MKLN1: variants seen among roughly 807,000 people sequenced by gnomAD.
MKLN1 encodes muskelin.
Under a neutral mutation model 99.0 loss-of-function variants are expected in MKLN1, and 18 were observed. The ratio of observed to expected loss-of-function variants is 0.18; its 90% CI spans 0.13 to 0.27. MKLN1 has a LOEUF of 0.27. Among genes scored for constraint, MKLN1 ranks in the 10% least tolerant of loss-of-function variants. The pLI is 1.00. For synonymous variants in MKLN1, 288 were observed against 293.2 expected, an observed-to-expected ratio of 0.98 and a Z score of 0.18; for missense variants, 621 against 875.9, an observed-to-expected ratio of 0.71 and a Z score of 3.67.
chr7:131,387,123 T>G lies in MKLN1; in HGVS notation c.172T>G (p.Leu58Val). ...SSESNYPPQY[L>V]ILKLERPAIV... ...ATTTGGTCGTTTCTTTTTTTAGTACTTGATTCTAAAGCTCGAAAGGCCTGC... is the reference window on the plus strand; with the variant it reads ...ATTTGGTCGTTTCTTTTTTTAGTACGTGATTCTAAAGCTCGAAAGGCCTGC... The change falls in exon 3 of 18, where the codon TTG (leucine) becomes GTG (valine). Residue 58 changes from leucine (L) to valine (V), a missense_variant. Transcript: ENST00000352689. 1 of 1,589,332 alleles carries G rather than the reference T, an allele frequency of 6.3e-7. No individual in the cohort carries two copies. Among genetic ancestry groups the G allele is most frequent in the Non-Finnish European group, 8.5e-7 (1 of 1,172,406 alleles).
At chr7:131,468,125 C>A (rs780016971) in intron 15 of MKLN1, among the ~76,000 whole-genome samples, 6 of 152,110 alleles carry the variant, frequency 3.9e-5, no homozygotes, top group Non-Finnish European at 8.8e-5. Flanking sequence ...CTTAACATTC[C>A]GGATAAACTT....
chr7:131,264,181 C>A (rs1391626525), intron 3 of MKLN1, among the ~76,000 whole-genome samples: 1 of 152,118 alleles, frequency 6.6e-6, no homozygotes, highest in East Asian at 1.9e-4. Context: ...TTTTTGCTAA[C>A]ACTTACTAAA....
chr7:131,126,400 A>G (rs1795458356), intron 1 of MKLN1, among the ~76,000 whole-genome samples: 1 of 152,176 alleles, frequency 6.6e-6, no homozygotes, highest in Non-Finnish European at 1.5e-5. Flanking sequence ...AGTGAAAAAT[A>G]GAGTCATTTA....
Position 131,221,932 on chromosome 7 carries a change from G to T in MKLN1, c.-179+18958G>T, listed in dbSNP as rs527530718. Among the ~76,000 whole-genome samples, 4 of 152,164 alleles carry T rather than the reference G, an allele frequency of 2.6e-5. No individual in the cohort carries two copies. In the South Asian group the frequency reaches 8.3e-4, roughly 32 times the overall value. ...ATTTATTTATTTATTTTGACATGGA[G>T]TGTTGCTCTGTCGCCCAGGCTGGAT... On this transcript the variant is annotated intron_variant, in intron 3 of 7. Transcript: ENST00000416992.
intron 3 of MKLN1, among the ~76,000 whole-genome samples, chr7:131,271,993 C>T (rs180922428): frequency 3.9e-4 from 59 of 152,200 alleles, no homozygotes; most frequent in African/African-American, 1.3e-3. Flanking sequence ...TCCAATTCCC[C>T]GTACATCTCC....
intron 4 of MKLN1, among the ~76,000 whole-genome samples, chr7:131,396,341 G>C (rs1488398269): frequency 6.6e-6 from 1 of 152,182 alleles, no homozygotes; most frequent in Non-Finnish European, 1.5e-5. Context: ...CCAAAGTGCT[G>C]GGATTACAGG....
chr7:131,360,796 A>G (rs1355886616), intron 1 of MKLN1, among the ~76,000 whole-genome samples: 2 of 152,158 alleles, frequency 1.3e-5, no homozygotes, highest in African/African-American at 4.8e-5. Context: ...GTTCTTGCTG[A>G]AGAACTGCTT....
chr7:131,350,636 G>A (rs1030392204), intron 1 of MKLN1, among the ~76,000 whole-genome samples: 42 of 152,268 alleles, frequency 2.8e-4, no homozygotes, highest in African/African-American at 9.6e-4. Flanking sequence ...ATTGCCACGT[G>A]GGCATCTCTA....
rs1387796948 is a variant in MKLN1 at position 131,327,913 on chromosome 7, G to A, written c.14G>A (p.Gly5Glu). 1 of 1,612,464 alleles carries A rather than the reference G, an allele frequency of 6.2e-7. No individual in the cohort carries two copies. The highest frequency in any genetic ancestry group is 1.3e-5 in the African/African-American group (1 of 74,910). MAAGGAVAAAPECRL... is the reference protein window; with the variant it reads MAAGEAVAAAPECRL... ...GGTGCTGACAAGATGGCGGCTGGCG[G>A]AGCTGTCGCTGCGGCGCCCGAGTGC... The change falls in exon 1 of 18, where the codon GGA becomes GAA. Residue 5 changes from glycine to glutamate, a missense_variant. Coordinates refer to ENST00000352689, the MANE Select transcript of MKLN1 (RefSeq NM_013255.5).
intron 2 of MKLN1, among the ~76,000 whole-genome samples, chr7:131,185,858 C>T (rs1796442607): frequency 6.6e-6 from 1 of 152,068 alleles, no homozygotes; most frequent in African/African-American, 2.4e-5. Context: ...TATTTTGTAC[C>T]ATGTAAGTGG....
chr7:131,437,742 C>G, intron 9 of MKLN1, 43 bp from the exon 10 acceptor site: 3 of 1,346,816 alleles, frequency 2.2e-6, no homozygotes, highest in Non-Finnish European at 3.1e-6. Context: ...TTTTTTTTTG[C>G]TCTTTATTTG....
chr7:131,242,647 C>A, intron 3 of MKLN1: 1 of 572,076 alleles, frequency 1.7e-6, no homozygotes, highest in South Asian at 1.7e-5. Flanking sequence ...GGATGCTATT[C>A]TGGATGCAAA....
chr7:131,150,080 T>C (rs1795867464), intron 2 of MKLN1, among the ~76,000 whole-genome samples: 1 of 152,154 alleles, frequency 6.6e-6, no homozygotes, highest in Non-Finnish European at 1.5e-5. Flanking sequence ...TGCCTTGTAC[T>C]TGTTTTCGCA....
At chr7:131,165,287 G>A (rs1796107500) in intron 2 of MKLN1, among the ~76,000 whole-genome samples, 1 of 152,158 alleles carries the variant, frequency 6.6e-6, no homozygotes, top group Admixed American at 6.5e-5. Flanking sequence ...CCAGGTTCAA[G>A]CGATTTTCCT....
At chr7:131,385,396 TG>T (rs1460729464) in intron 2 of MKLN1, among the ~76,000 whole-genome samples, 1 of 152,134 alleles carries the variant, frequency 6.6e-6, no homozygotes, top group Non-Finnish European at 1.5e-5. Context: ...TGGACATTCT[TG>T]GTCGTGTAGT....
At chr7:131,445,064 G>A (rs1277761227) in intron 11 of MKLN1, among the ~76,000 whole-genome samples, 1 of 152,036 alleles carries the variant, frequency 6.6e-6, no homozygotes, top group Non-Finnish European at 1.5e-5. Context: ...GCTGTTTAAC[G>A]TTGCTTTCTG....
intron 1 of MKLN1, among the ~76,000 whole-genome samples, chr7:131,334,144 A>G (rs1328860897): frequency 6.6e-6 from 1 of 152,126 alleles, no homozygotes; most frequent in Non-Finnish European, 1.5e-5. Flanking sequence ...GAATATATTT[A>G]TTGTATTTGG....
intron 2 of MKLN1, among the ~76,000 whole-genome samples, chr7:131,173,968 CTTTTTCTTTTT>C (rs1796254378): frequency 2.5e-5 from 3 of 118,658 alleles, no homozygotes; most frequent in South Asian, 5.2e-4. Flanking sequence ...AGACCTTTTT[CTTTTTCTTTTT>C]TTTTTTTTTT....
rs145627256 is a variant in MKLN1, at chr7:131,139,834, T to G, written c.-418-2986T>G. Among the ~76,000 whole-genome samples the G allele has an allele frequency of 2.3e-3, 353 of 152,264 alleles. 1 individual carries two copies. Among genetic ancestry groups the G allele is most frequent in the African/African-American group, 7.7e-3 (318 of 41,550 alleles). On this transcript the variant is annotated intron_variant, in intron 1 of 7. Transcript: ENST00000416992. ...GACACAAAAGGCTAATTTGGTTTGC[T>G]CTGCAGTTTTGGCCAAGACCAGTAC... is the stretch of plus-strand genomic sequence containing the variant.
Sources: gnomAD v4.1 joint callset for allele counts (sites outside exome capture counted in the v4.1 genomes callset) on GRCh38, gnomAD v4.1.1 for gene constraint, MANE v1.5 for transcripts, NCBI Gene and HGNC (gene_info 2026-07-23, HGNC 2026-07-21) for gene names.